THRB: variants seen among roughly 807,000 people sequenced by gnomAD.
The protein encoded by THRB is thyroid hormone receptor beta.
In THRB, 12 loss-of-function variants were observed where a neutral mutation model predicts 47.8. The ratio of observed to expected loss-of-function variants is 0.25; its 90% CI spans 0.16 to 0.41. The LOEUF (loss-of-function observed/expected upper bound fraction) is 0.41. Among genes scored for constraint, THRB ranks in the 10% least tolerant of loss-of-function variants. The probability of loss-of-function intolerance (pLI) is 1.00; values close to 1 mark genes in which losing one functional copy is unlikely to be tolerated. For synonymous variants in THRB, 218 were observed against 212.2 expected (o/e 1.03, Z -0.24); for missense variants, 348 against 589.2 (o/e 0.59, Z 4.24).
intron 1 of THRB, among the ~76,000 whole-genome samples, chr3:24,388,907 T>G (rs1009752024): frequency 6.6e-6 from 1 of 152,198 alleles, no homozygotes; most frequent in Non-Finnish European, 1.5e-5. Context: ...TCTTGGTAGC[T>G]CTACCCTAGC....
At chr3:24,461,860 G>C (rs2073730867) in intron 1 of THRB, among the ~76,000 whole-genome samples, 1 of 152,122 alleles carries the variant, frequency 6.6e-6, no homozygotes, top group Non-Finnish European at 1.5e-5. Context: ...TCATCAATGA[G>C]ACTTATTAGG....
chr3:24,429,873 A>G (rs2070186584), intron 1 of THRB, among the ~76,000 whole-genome samples: 1 of 152,096 alleles, frequency 6.6e-6, no homozygotes, highest in Non-Finnish European at 1.5e-5. Flanking sequence ...AAACTTAGTT[A>G]GAAATTACAG....
intron 1 of THRB, among the ~76,000 whole-genome samples, chr3:24,357,961 GTACTT>G (rs1449214943): frequency 1.3e-5 from 2 of 152,096 alleles, no homozygotes; most frequent in African/African-American, 4.8e-5. Context: ...GCCTGAAATA[GTACTT>G]GATTGTTTAT....
intron 3 of THRB, among the ~76,000 whole-genome samples, chr3:24,284,072 A>T (rs960095254): frequency 6.3e-5 from 9 of 141,910 alleles, no homozygotes; most frequent in Non-Finnish European, 1.4e-4. Context: ...CAGAATTGGA[A>T]AAAACTACTT....
chr3:24,187,611 G>A (rs184856338), intron 5 of THRB, among the ~76,000 whole-genome samples: 9 of 152,314 alleles, frequency 5.9e-5, no homozygotes, highest in African/African-American at 1.9e-4. Context: ...AATAAACACC[G>A]ATGAGTGAAT....
chr3:24,148,357 C>A (rs1042742868), intron 6 of THRB, among the ~76,000 whole-genome samples: 2 of 152,148 alleles, frequency 1.3e-5, no homozygotes, highest in African/African-American at 4.8e-5. Flanking sequence ...GAACTCCTGG[C>A]CTTCAGTGAT....
At chr3:24,377,725 T>C (rs1229765500) in intron 1 of THRB, among the ~76,000 whole-genome samples, 1 of 152,120 alleles carries the variant, frequency 6.6e-6, no homozygotes, top group East Asian at 1.9e-4. Flanking sequence ...TGAAAATTGA[T>C]AGTCCTGGCT....
intron 1 of THRB, among the ~76,000 whole-genome samples, chr3:24,447,494 T>A (rs536111568): frequency 1.3e-5 from 2 of 152,178 alleles, no homozygotes; most frequent in African/African-American, 2.4e-5. Context: ...TTTCATCGTG[T>A]CCTGTTAATA....
intron 1 of THRB, among the ~76,000 whole-genome samples, chr3:24,437,128 ATAT>A (rs59999806): frequency 0.056 from 8,361 of 148,294 alleles, 800 homozygotes; most frequent in African/African-American, 0.19. Context: ...ATATAATGAA[ATAT>A]TATTATATTA....
intron 1 of THRB, among the ~76,000 whole-genome samples, chr3:24,382,924 T>C (rs59914825): frequency 0.028 from 4,241 of 152,208 alleles, 197 homozygotes; most frequent in African/African-American, 0.087. Context: ...CCTCAGTTCC[T>C]TGAATGAGCT....
intron 10 of THRB, among the ~76,000 whole-genome samples, chr3:24,125,174 C>A (rs1410830799): frequency 6.6e-6 from 1 of 152,186 alleles, no homozygotes; most frequent in Non-Finnish European, 1.5e-5. Context: ...ATCCATTTGA[C>A]ATAAATCAGA....
chr3:24,145,710 T>A (rs1420139301), intron 7 of THRB, among the ~76,000 whole-genome samples: 1 of 151,932 alleles, frequency 6.6e-6, no homozygotes, highest in African/African-American at 2.4e-5. Context: ...ATTTCACAGA[T>A]TTTTTTTTCT....
intron 5 of THRB, among the ~76,000 whole-genome samples, chr3:24,172,412 G>A (rs1000878889): frequency 7.2e-5 from 11 of 152,016 alleles, no homozygotes; most frequent in African/African-American, 9.7e-5. Flanking sequence ...AATTAAGTCT[G>A]TTTCAGTAGG....
intron 2 of THRB, among the ~76,000 whole-genome samples, chr3:24,305,171 A>G (rs1505285): frequency 0.53 from 80,863 of 151,558 alleles, 21,792 homozygotes; most frequent in Admixed American, 0.62. Context: ...TTCTCACAGT[A>G]TGTTTCCTGG....
intron 1 of THRB, among the ~76,000 whole-genome samples, chr3:24,411,556 A>G (rs1476001519): frequency 6.6e-6 from 1 of 151,784 alleles, no homozygotes; most frequent in East Asian, 2.0e-4. Context: ...TGATTGTATT[A>G]CTAATATTAT....
rs542813286 is a variant in THRB at position 24,207,951 on chromosome 3, C to G, written c.23-17617G>C. ...TGATTGTATATTTAGAAAACCCCAT[C>G]GTCTCAGCCCAAAATCTCCTTAAGC... On this transcript the variant is annotated intron_variant, in intron 4 of 10. Transcript: ENST00000646209. 5.9e-5 allele frequency among the ~76,000 whole-genome samples: 9 copies of G among 152,242 alleles called. 1 individual carries two copies. The South Asian group carries it at 1.9e-3, about 32-fold the overall frequency.
At chr3:24,183,286 CCTAAGTGTCAGGCA>C (rs199806317) in intron 5 of THRB, among the ~76,000 whole-genome samples, 5,330 of 151,854 alleles carry the variant, frequency 0.035, 276 homozygotes, top group African/African-American at 0.11. Flanking sequence ...TTTAGTCTCT[CCTAAGTGTCAGGCA>C]CTATGTTGGG....
chr3:24,190,139 T>A lies in THRB; in HGVS notation c.218A>T (p.Asp73Val). ...WTSSIFHLDH[D>V]DVNDQSVSSA... is the part of the protein sequence containing the mutation. ...TGAGACACTCTGGTCGTTCACATCA[T>A]CATGGTCCAGATGGAATATTGAGCT... The change falls in exon 5 of 11, where the codon GAT (aspartate) becomes GTT (valine). Residue 73 changes from aspartate to valine, a missense_variant. By Grantham distance (152) the Asp-to-Val change is radical. Around this residue, in one of 5 missense-constraint regions of THRB, gnomAD observed 148 missense variants for 122.3 expected, o/e 1.21. Transcript: ENST00000646209. 1 of 1,614,104 alleles carries A rather than the reference T, an allele frequency of 6.2e-7. No individual in the cohort carries two copies. Among genetic ancestry groups the A allele is most frequent in the Non-Finnish European group, 8.5e-7 (1 of 1,179,946 alleles).
intron 9 of THRB, among the ~76,000 whole-genome samples, chr3:24,129,818 T>TG (rs1484987538): frequency 2.6e-5 from 4 of 151,762 alleles, no homozygotes; most frequent in Non-Finnish European, 5.9e-5. Flanking sequence ...ACTCTAGGAG[T>TG]GGTTTTGCAT....
Sources: allele counts gnomAD v4.1 joint callset (sites outside exome capture counted in the v4.1 genomes callset), GRCh38; gene constraint gnomAD v4.1.1; regional missense constraint gnomAD v4.1.1; transcripts MANE v1.5; gene names NCBI Gene and HGNC (gene_info 2026-07-23, HGNC 2026-07-21).